The following RNF217 variants were observed in gnomAD, a reference collection of about 807,000 sequenced individuals.
RNF217 encodes E3 ubiquitin-protein ligase RNF217.
RNF217 carries 31 observed loss-of-function variants against 57.8 expected under a neutral mutation model. That is an observed-to-expected ratio of 0.54 (90% CI 0.40 to 0.72). The LOEUF (loss-of-function observed/expected upper bound fraction) is 0.72. Ranked by LOEUF, RNF217 falls within the 30% of genes least tolerant of loss-of-function variation. The pLI, the probability that RNF217 is intolerant of heterozygous loss-of-function variation, is 0.00. For synonymous variants in RNF217, 313 were observed against 294.0 expected, an observed-to-expected ratio of 1.06 and a Z score of -0.66; for missense variants, 696 against 708.3, an observed-to-expected ratio of 0.98 and a Z score of 0.20.
chr6:125,029,203 A>G (rs1786240357), intron 1 of RNF217, among the ~76,000 whole-genome samples: 1 of 152,184 alleles, frequency 6.6e-6, no homozygotes, highest in Non-Finnish European at 1.5e-5. Flanking sequence ...TCTCTAATCC[A>G]GTAATATTTT....
chr6:125,026,514 A>G (rs909479572), intron 1 of RNF217, among the ~76,000 whole-genome samples: 1 of 152,228 alleles, frequency 6.6e-6, no homozygotes, highest in Non-Finnish European at 1.5e-5. Context: ...GGATGATACA[A>G]TTCAAGCCTT....
At chr6:125,082,705 T>C (rs1378392988) in intron 5 of RNF217, 159 bp from the exon 6 acceptor site, 20 of 1,307,820 alleles carry the variant, frequency 1.5e-5, no homozygotes, top group Non-Finnish European at 1.9e-5. Flanking sequence ...AAGGGAAATA[T>C]TAAAGAATGA....
In RNF217 at chr6:125,076,859, G is replaced by C. The variant is rs778409539; in HGVS notation, c.1483+1G>C. ...AGATTAGTGCGAGGGTCAGTCTGTG[G>C]TGAGTGTCTGACATACTTATGGGTG... is the stretch of plus-strand genomic sequence containing the variant. On this transcript the variant is annotated splice_donor_variant, in intron 4 of 5. Transcript: ENST00000521654. LOFTEE classifies it high-confidence loss of function. The C allele has an allele frequency of 6.2e-7, 1 of 1,612,118 alleles. No individual in the cohort carries two copies. The highest frequency in any genetic ancestry group is 1.7e-5 in the Admixed American group (1 of 59,904).
intron 1 of RNF217, among the ~76,000 whole-genome samples, chr6:125,008,362 G>A (rs1785273288): frequency 6.6e-6 from 1 of 152,126 alleles, no homozygotes; most frequent in Non-Finnish European, 1.5e-5. Flanking sequence ...ATCATGGAAA[G>A]CAAAACCATA....
chr6:125,086,684 C>T lies in RNF217; in HGVS notation c.*3747C>T, dbSNP rs1368824379. On this transcript the variant is annotated 3_prime_UTR_variant, in exon 6 of 6. Transcript: ENST00000521654. Reference sequence around the variant, plus strand: ...TCAAACCTTTTGGTACAAGCAACATCTTGTTGCCACCACCTTGATTTTCTC... The same window carrying T: ...TCAAACCTTTTGGTACAAGCAACATTTTGTTGCCACCACCTTGATTTTCTC... 1.3e-5 allele frequency: 2 copies of T among 152,066 alleles called. No homozygotes were observed. The highest frequency in any genetic ancestry group is 6.6e-5 in the Admixed American group (1 of 15,262). 9.4% of individuals were successfully genotyped at this position (152,066 alleles called of 1,614,324 possible).
In RNF217 at chr6:125,045,389, C is replaced by G; in HGVS notation, c.1061C>G (p.Thr354Ser). 6.2e-7 allele frequency: 1 copy of G among 1,613,224 alleles called. No homozygotes were observed. The highest frequency in any genetic ancestry group is 1.7e-4 in the Middle Eastern group (1 of 6,046). Residue 354 changes from threonine (T) to serine (S), a missense_variant, in exon 2 of 6, where the codon ACC becomes AGC. Thr to Ser is a moderately conservative substitution (Grantham distance 58). This residue lies in a region of RNF217 where 231 missense variants were observed against 321.4 expected (regional missense o/e 0.72). Coordinates refer to ENST00000521654, the MANE Select transcript of RNF217 (RefSeq NM_001286398.3). ...KPCPQCKHFT[T>S]FKKKGHIPTP... ...TGTCCTCAGTGCAAGCACTTTACAA[C>G]CTTCAAGAAAAAAGGACATATTCCC...
intron 4 of RNF217, among the ~76,000 whole-genome samples, chr6:125,079,013 T>TG (rs1788475833): frequency 6.6e-6 from 1 of 152,194 alleles, no homozygotes; most frequent in Non-Finnish European, 1.5e-5. Context: ...TGACACAACT[T>TG]GCTCCCTCAG....
chr6:124,988,003 G>A (rs1784420221), intron 1 of RNF217, among the ~76,000 whole-genome samples: 1 of 152,164 alleles, frequency 6.6e-6, no homozygotes, highest in East Asian at 1.9e-4. Flanking sequence ...GGACTGTTAG[G>A]AACCAGGCCA....
intron 3 of RNF217, among the ~76,000 whole-genome samples, chr6:125,068,185 G>C (rs2114617564): frequency 6.6e-6 from 1 of 152,196 alleles, no homozygotes; most frequent in Middle Eastern, 3.4e-3. Flanking sequence ...TTATAGACTG[G>C]AAGAGTAGAG....
chr6:124,979,978 A>G (rs1784102407), intron 1 of RNF217, among the ~76,000 whole-genome samples: 1 of 152,196 alleles, frequency 6.6e-6, no homozygotes, highest in Non-Finnish European at 1.5e-5. Flanking sequence ...TGTCTTTAGT[A>G]TAGCAGAACG....
chr6:125,087,035 T>A lies in RNF217; in HGVS notation c.*4098T>A, dbSNP rs141673911. The A allele has an allele frequency of 6.6e-6, 1 of 152,036 alleles. No homozygotes were observed. Among genetic ancestry groups the A allele is most frequent in the Admixed American group, 6.6e-5 (1 of 15,256 alleles). 9.4% of individuals were successfully genotyped at this position (152,036 alleles called of 1,614,324 possible). A position where few individuals can be genotyped will look rare whatever the true frequency, so the allele number is the denominator to read the frequency against. On this transcript the variant is annotated 3_prime_UTR_variant, in exon 6 of 6. Transcript: ENST00000521654. ...CTCCATACCTCTGCTATTCTAACTA[T>A]TCCTCTTCACTGAAGGAGAAGAGGA...
At chr6:125,003,838 T>A (rs1427193493) in intron 1 of RNF217, among the ~76,000 whole-genome samples, 1 of 152,152 alleles carries the variant, frequency 6.6e-6, no homozygotes, top group Non-Finnish European at 1.5e-5. Context: ...ATGCTATGTC[T>A]TGTAGTCCTC....
At chr6:124,975,196 A>T (rs1368152868) in intron 1 of RNF217, among the ~76,000 whole-genome samples, 1 of 152,162 alleles carries the variant, frequency 6.6e-6, no homozygotes, top group Non-Finnish European at 1.5e-5. Context: ...CATGAAACTC[A>T]TGAGCTCTGA....
intron 2 of RNF217, among the ~76,000 whole-genome samples, chr6:125,056,013 T>C (rs1490675162): frequency 7.2e-5 from 11 of 152,166 alleles, no homozygotes; most frequent in African/African-American, 9.6e-5. Context: ...ACCAAGTAGT[T>C]TCTCAATTTA....
chr6:124,963,557 T>A, intron 1 of RNF217, 131 bp downstream of exon 1: 1 of 1,129,952 alleles, frequency 8.8e-7, no homozygotes, highest in South Asian at 1.9e-5. Context: ...TGTTAGTTTC[T>A]CACGTCTCAG....
Position 125,045,249 on chromosome 6 carries a change from A to G in RNF217, c.921A>G (p.Thr307=), listed in dbSNP as rs759553140. 6.2e-6 allele frequency: 10 copies of G among 1,613,140 alleles called. No homozygotes were observed. The highest frequency in any genetic ancestry group is 1.1e-5 in the South Asian group (1 of 91,054). The change falls in exon 2 of 6, where the codon ACA becomes ACG. Residue 307 remains threonine (T), a synonymous_variant. Transcript: ENST00000521654. Reference sequence around the variant, plus strand: ...AAGTAGAAATCAAATGCCCCATCACAGAGTGTTTTGAATTCTTGGAAGAAA... The same window carrying G: ...AAGTAGAAATCAAATGCCCCATCACGGAGTGTTTTGAATTCTTGGAAGAAA... ...LGQVEIKCPI[T]ECFEFLEETT...
At chr6:125,051,256 C>G (rs777942750) in intron 2 of RNF217, among the ~76,000 whole-genome samples, 1 of 151,844 alleles carries the variant, frequency 6.6e-6, no homozygotes, top group Admixed American at 6.6e-5. Flanking sequence ...TGCACTGGTA[C>G]TAAGAACTGT....
intron 1 of RNF217, among the ~76,000 whole-genome samples, chr6:125,030,081 A>T (rs944038876): frequency 1.8e-4 from 27 of 152,314 alleles, no homozygotes; most frequent in African/African-American, 6.0e-4. Flanking sequence ...ATGAAGAAGA[A>T]GCAAAAGCAG....
At chr6:125,018,813 A>C (rs141186217) in intron 1 of RNF217, among the ~76,000 whole-genome samples, 1 of 152,212 alleles carries the variant, frequency 6.6e-6, no homozygotes, top group East Asian at 1.9e-4. Context: ...CAGAGTAATG[A>C]AGACTGGAGG....
Sources: allele counts gnomAD v4.1 joint callset (sites outside exome capture counted in the v4.1 genomes callset), GRCh38; gene constraint gnomAD v4.1.1; regional missense constraint gnomAD v4.1.1; transcripts MANE v1.5; gene names NCBI Gene and HGNC (gene_info 2026-07-23, HGNC 2026-07-21).